Variants in TP53BP1 observed in about 807,000 individuals in gnomAD.
TP53BP1 encodes tumor protein p53 binding protein 1, also known as TP53-binding protein 1.
A neutral mutation model predicts 200.8 loss-of-function variants in TP53BP1; 61 were observed. That is an observed-to-expected ratio of 0.30 (90% CI 0.25 to 0.38). TP53BP1 has a LOEUF of 0.38. TP53BP1 is among the 10% of genes least tolerant of loss of function. TP53BP1 has a pLI of 1.00. For missense variants in TP53BP1, 2,144 were observed against 2,371.9 expected (o/e 0.90, Z 2.00); for synonymous variants, 822 against 844.3 (o/e 0.97, Z 0.46).
intron 17 of TP53BP1, among the ~76,000 whole-genome samples, chr15:43,430,680 TGG>T (rs2142997363): frequency 6.6e-6 from 1 of 152,268 alleles, no homozygotes; most frequent in East Asian, 1.9e-4. Flanking sequence ...AGACCCCCAG[TGG>T]ATGCCTGAAA....
chr15:43,455,850 A>G (rs371022540), intron 12 of TP53BP1, 42 bp downstream of exon 12: 192 of 1,602,892 alleles, frequency 1.2e-4, no homozygotes, highest in Admixed American at 2.1e-4. Flanking sequence ...ATTCCAGATT[A>G]TAATTTAGGT....
In TP53BP1 at chr15:43,407,929, ACT is replaced by A. The variant is rs1441453583; in HGVS notation, c.5746+12_5746+13del. ...TCCCTGGAACAAAGACACTACACAC[ACT>A]CTTTCAGGTACCTTTGTTATGGGCA... On this transcript the variant is annotated intron_variant, in intron 27 of 27. Coordinates refer to ENST00000382044, the MANE Select transcript of TP53BP1 (RefSeq NM_001141980.3). 3.1e-6 allele frequency: 5 copies of A among 1,607,386 alleles called. No homozygotes were observed. In the Admixed American group the frequency reaches 6.7e-5, roughly 22 times the overall value.
chr15:43,506,486 C>G (rs495175), intron 1 of TP53BP1, among the ~76,000 whole-genome samples: 42,905 of 152,110 alleles, frequency 0.28, 10,248 homozygotes, highest in African/African-American at 0.65. Context: ...ACCAAGGAAA[C>G]AGCCTATAAT....
intron 12 of TP53BP1, 69 bp from the exon 13 acceptor site, chr15:43,447,554 T>C: frequency 1.5e-6 from 2 of 1,298,984 alleles, no homozygotes; most frequent in Non-Finnish European, 2.1e-6. Flanking sequence ...AAGTATAAAA[T>C]AAGCAAAAAT....
chr15:43,438,543 C>T (rs2143001129), intron 15 of TP53BP1, 127 bp from the exon 16 acceptor site: 1 of 656,606 alleles, frequency 1.5e-6, no homozygotes. Flanking sequence ...CCACCTTACA[C>T]CAAAATGCAA....
intron 15 of TP53BP1, among the ~76,000 whole-genome samples, chr15:43,440,908 A>C (rs538594185): frequency 6.6e-6 from 1 of 152,282 alleles, no homozygotes; most frequent in South Asian, 2.1e-4. Context: ...AAAAGAAAAT[A>C]AAAGAAGAAT....
Position 43,492,449 on chromosome 15 carries a change from A to G in TP53BP1, c.27T>C (p.Thr9=). Residue 9 remains threonine, a synonymous_variant, in exon 2 of 28, where the codon ACT becomes ACC. Transcript: ENST00000382044. ...AGAAATCTGAATCCAACTGACTTCCAGTAGGGTCCATCTGCTCCCCTGGAA... is the reference window on the plus strand; with the variant it reads ...AGAAATCTGAATCCAACTGACTTCCGGTAGGGTCCATCTGCTCCCCTGGAA... MPGEQMDP[T]GSQLDSDFSQ... 1 of 1,614,000 alleles carries G rather than the reference A, an allele frequency of 6.2e-7. No individual in the cohort carries two copies. Among genetic ancestry groups the G allele is most frequent in the Non-Finnish European group, 8.5e-7 (1 of 1,179,924 alleles).
Position 43,415,679 on chromosome 15 carries a change from A to T in TP53BP1, c.5004T>A (p.Val1668=), listed in dbSNP as rs369992229. The T allele has an allele frequency of 1.1e-5, 18 of 1,614,060 alleles. No homozygotes were observed. The African/African-American group carries it at 2.0e-4, about 18-fold the overall frequency. Residue 1668 remains valine, a synonymous_variant, in exon 23 of 28, where the codon GTT becomes GTA. Transcript: ENST00000382044. ...ITESPRASMG[V]LSGKRKLITS... is the part of the protein sequence containing the mutation. ...TGATAAGTTTTCTTTTGCCTGAGAG[A>T]ACTCCCATGGAGGCACGAGGACTTT...
At chr15:43,435,065 T>C (rs1239493489) in intron 16 of TP53BP1, among the ~76,000 whole-genome samples, 4 of 151,860 alleles carry the variant, frequency 2.6e-5, no homozygotes, top group Non-Finnish European at 5.9e-5. Context: ...GTTCGAGACC[T>C]GCCTGGCCAA....
intron 1 of TP53BP1, among the ~76,000 whole-genome samples, chr15:43,506,767 G>A (rs1363428595): frequency 6.6e-6 from 1 of 152,198 alleles, no homozygotes; most frequent in African/African-American, 2.4e-5. Flanking sequence ...TGACAATCAT[G>A]CATATCACAG....
At chr15:43,471,164 C>T (rs567152479) in intron 10 of TP53BP1, among the ~76,000 whole-genome samples, 1 of 151,630 alleles carries the variant, frequency 6.6e-6, no homozygotes, top group African/African-American at 2.4e-5. Context: ...CACTGATGTA[C>T]ATACATATTA....
In TP53BP1 at chr15:43,456,810, C is replaced by A. The variant is rs746277459; in HGVS notation, c.1798G>T (p.Asp600Tyr). 9.3e-6 allele frequency: 15 copies of A among 1,613,974 alleles called. No homozygotes were observed. The South Asian group carries it at 1.4e-4, about 15-fold the overall frequency. Reference sequence around the variant, plus strand: ...CCAGTGGCTAAAATACTAATGTCATCCCTGGTGTCTGTATCATCTCCCTTT... The same window carrying A: ...CCAGTGGCTAAAATACTAATGTCATACCTGGTGTCTGTATCATCTCCCTTT... Reference protein sequence around the residue: ...KTKGDDTDTRDDISILATGCK... With the variant: ...KTKGDDTDTRYDISILATGCK... The change falls in exon 12 of 28, where the codon GAT becomes TAT. Residue 600 changes from aspartate (D) to tyrosine (Y), a missense_variant. Coordinates refer to ENST00000382044, the MANE Select transcript of TP53BP1 (RefSeq NM_001141980.3).
chr15:43,457,186 T>C lies in TP53BP1; in HGVS notation c.1422A>G (p.Glu474=), dbSNP rs1461462693. The C allele has an allele frequency of 4.3e-6, 7 of 1,611,836 alleles. No homozygotes were observed. In the African/African-American group the frequency reaches 6.7e-5, roughly 15 times the overall value. The change falls in exon 12 of 28, where the codon GAA becomes GAG. Residue 474 remains glutamate (E), a synonymous_variant. Transcript: ENST00000382044. Reference sequence around the variant, plus strand: ...CATCTTTCTTCCCATCATTTGATTGTTCTTCCAGACTTGGGGAAGGAATAA... The same window carrying C: ...CATCTTTCTTCCCATCATTTGATTGCTCTTCCAGACTTGGGGAAGGAATAA... ...DIFIPSPSLE[E]QSNDGKKDGD...
chr15:43,442,818 T>G (rs1483324611), intron 14 of TP53BP1, among the ~76,000 whole-genome samples: 9 of 126,184 alleles, frequency 7.1e-5, no homozygotes, highest in Middle Eastern at 3.5e-3. Context: ...TAATATTCTT[T>G]TTTTTTTTTT....
chr15:43,430,062 T>A (rs906296583), intron 17 of TP53BP1, among the ~76,000 whole-genome samples: 12 of 152,124 alleles, frequency 7.9e-5, no homozygotes, highest in African/African-American at 2.9e-4. Flanking sequence ...AAAACTATGT[T>A]TACTCACTTC....
chr15:43,403,602 A>G lies in TP53BP1; in HGVS notation c.*3781T>C. 9.7e-7 allele frequency: 1 copy of G among 1,032,818 alleles called. No individual in the cohort carries two copies. 64.0% of individuals were successfully genotyped at this position (1,032,818 alleles called of 1,614,324 possible). A position where few individuals can be genotyped will look rare whatever the true frequency, so the allele number is the denominator to read the frequency against. ...TCAGCTATTAATTAGATCAGCTATTAATCAGACTGTTCTCCTAACACTTTA... is the reference window on the plus strand; with the variant it reads ...TCAGCTATTAATTAGATCAGCTATTGATCAGACTGTTCTCCTAACACTTTA... On this transcript the variant is annotated 3_prime_UTR_variant, in exon 28 of 28. Coordinates refer to ENST00000382044, the MANE Select transcript of TP53BP1 (RefSeq NM_001141980.3).
chr15:43,457,875 C>T (rs904977137), intron 11 of TP53BP1, among the ~76,000 whole-genome samples: 2 of 151,120 alleles, frequency 1.3e-5, no homozygotes, highest in Non-Finnish European at 2.9e-5. Flanking sequence ...AAGAATTAGC[C>T]GGGTGGGGTG....
At chr15:43,448,253 C>CAGAACT in intron 12 of TP53BP1, among the ~76,000 whole-genome samples, 1 of 152,194 alleles carries the variant, frequency 6.6e-6, no homozygotes, top group Admixed American at 6.5e-5. Context: ...TTTTGCTAAT[C>CAGAACT]AGAACTAGAA....
chr15:43,427,771 C>T (rs937442408), intron 18 of TP53BP1, among the ~76,000 whole-genome samples: 3 of 152,020 alleles, frequency 2.0e-5, no homozygotes, highest in African/African-American at 7.2e-5. Context: ...GCCTGGGCAA[C>T]ACAGTGGGAC....
Sources: gnomAD v4.1 joint callset for allele counts (sites outside exome capture counted in the v4.1 genomes callset) on GRCh38, gnomAD v4.1.1 for gene constraint, MANE v1.5 for transcripts, NCBI Gene and HGNC (gene_info 2026-07-23, HGNC 2026-07-21) for gene names.